The following MMUT variants were observed in gnomAD, a reference collection of about 807,000 sequenced individuals.
MMUT encodes the protein methylmalonyl-CoA mutase.
Under a neutral mutation model 79.9 loss-of-function variants are expected in MMUT, and 79 were observed. The ratio of observed to expected loss-of-function variants is 0.99; its 90% CI spans 0.82 to 1.19. The LOEUF is 1.19. Among genes scored for constraint, MMUT ranks in the 50% most tolerant of loss-of-function variants. The pLI is 0.00. For synonymous variants in MMUT, 273 were observed against 295.7 expected (o/e 0.92, Z 0.79); for missense variants, 860 against 917.2 (o/e 0.94, Z 0.81).
chr6:49,462,829 G>C (rs1352607424), intron 1 of MMUT, among the ~76,000 whole-genome samples: 3 of 152,180 alleles, frequency 2.0e-5, no homozygotes, highest in African/African-American at 4.8e-5. Flanking sequence ...GGCCAAAGAA[G>C]ATACCGACAT....
chr6:49,451,817 G>T, intron 5 of MMUT, 103 bp from the exon 6 acceptor site: 2 of 1,242,798 alleles, frequency 1.6e-6, no homozygotes, highest in Non-Finnish European at 2.3e-6. Context: ...TATTTTCTAT[G>T]TCAATTTCCA....
At chr6:49,441,067 C>T (rs1214854337) in intron 10 of MMUT, among the ~76,000 whole-genome samples, 1 of 151,944 alleles carries the variant, frequency 6.6e-6, no homozygotes, top group Non-Finnish European at 1.5e-5. Flanking sequence ...GAAAAAAGTT[C>T]CATTTTGATG....
intron 7 of MMUT, among the ~76,000 whole-genome samples, 182 bp from the exon 8 acceptor site, chr6:49,447,967 A>C (rs973853570): frequency 6.6e-6 from 1 of 152,030 alleles, no homozygotes; most frequent in African/African-American, 2.4e-5. Flanking sequence ...AAGTAGAGGT[A>C]TATGTCAGAG....
chr6:49,452,097 A>C (rs1028346779), intron 5 of MMUT, among the ~76,000 whole-genome samples: 2 of 152,178 alleles, frequency 1.3e-5, no homozygotes, highest in Non-Finnish European at 2.9e-5. Flanking sequence ...GATGTGTACA[A>C]AACAGGCACT....
chr6:49,441,988 T>G lies in MMUT; in HGVS notation c.1677-17A>C. 6.2e-7 allele frequency: 1 copy of G among 1,604,214 alleles called. No homozygotes were observed. Among genetic ancestry groups the G allele is most frequent in the African/African-American group, 1.3e-5 (1 of 74,756 alleles). On this transcript the variant is annotated splice_polypyrimidine_tract_variant and intron_variant, in intron 9 of 12. Transcript: ENST00000274813. The stretch of plus-strand genomic sequence containing the variant: ...ACTGTACATCTGAAACATGAAATGG[T>G]GGTTCCATTAACTTCATTATTTTGT...
rs189618510 is a variant in MMUT at position 49,437,695 on chromosome 6, T to G, written c.1957-2072A>C. Among the ~76,000 whole-genome samples the G allele has an allele frequency of 3.6e-3, 552 of 152,208 alleles. 1 individual carries two copies. The highest frequency in any genetic ancestry group is 6.0e-3 in the Admixed American group (91 of 15,270). Reference sequence around the variant, plus strand: ...TCCCTCCATTAAATTTTCTTCAAAATCCTAGCTGAGATTTGGTTTCTCTTG... The same window carrying G: ...TCCCTCCATTAAATTTTCTTCAAAAGCCTAGCTGAGATTTGGTTTCTCTTG... On this transcript the variant is annotated intron_variant, in intron 11 of 12. Coordinates refer to ENST00000274813, the MANE Select transcript of MMUT (RefSeq NM_000255.4).
chr6:49,451,360 T>C (rs548214058), intron 6 of MMUT, 106 bp downstream of exon 6: 33 of 1,288,836 alleles, frequency 2.6e-5, no homozygotes, highest in Middle Eastern at 4.2e-4. Flanking sequence ...AGTGATTTGA[T>C]TTATAAATTT....
intron 6 of MMUT, 140 bp downstream of exon 6, chr6:49,451,326 T>C (rs962234781): frequency 2.6e-5 from 26 of 1,019,254 alleles, no homozygotes; most frequent in Non-Finnish European, 3.5e-5. Context: ...GCAAACATCG[T>C]TTAAATTATT....
At chr6:49,449,001 G>T in intron 6 of MMUT, 74 bp from the exon 7 acceptor site, 1 of 868,926 alleles carries the variant, frequency 1.2e-6, no homozygotes, top group Non-Finnish European at 1.9e-6. Flanking sequence ...TTTGTTATGA[G>T]TGTTATATAA....
At position 49,459,071 on chromosome 6, in the gene MMUT, T is replaced by G. The variant is rs771331648; in HGVS notation, c.385+11A>C. ...TTATCATAAATATTATGTCTTACAT[T>G]AAAATCTCACCCTTAATGTTGTCCT... On this transcript the variant is annotated intron_variant, in intron 2 of 12. Transcript: ENST00000274813. 2 of 1,613,172 alleles carry G rather than the reference T, an allele frequency of 1.2e-6. No homozygotes were observed. The highest frequency in any genetic ancestry group is 2.7e-5 in the African/African-American group (2 of 74,900).
chr6:49,451,428 A>G, intron 6 of MMUT, 38 bp downstream of exon 6: 1 of 1,606,234 alleles, frequency 6.2e-7, no homozygotes, highest in South Asian at 1.1e-5. Context: ...ACAAATCTGT[A>G]AATTCTGAAA....
intron 5 of MMUT, among the ~76,000 whole-genome samples, chr6:49,452,769 T>C (rs1767585580): frequency 6.6e-6 from 1 of 152,208 alleles, no homozygotes; most frequent in Non-Finnish European, 1.5e-5. Flanking sequence ...TAATTTCATA[T>C]GTAAAGAGAA....
chr6:49,457,961 T>G lies in MMUT; in HGVS notation c.483A>C (p.Gly161=). The G allele has an allele frequency of 1.9e-6, 3 of 1,610,570 alleles. No homozygotes were observed. Among genetic ancestry groups the G allele is most frequent in the Non-Finnish European group, 2.5e-6 (3 of 1,179,938 alleles). Residue 161 remains glycine (G), a synonymous_variant, in exon 3 of 13, where the codon GGA becomes GGC. Coordinates refer to ENST00000274813, the MANE Select transcript of MMUT (RefSeq NM_000255.4). ...PRVRGDVGMA[G]VAIDTVEDTK... is the part of the protein sequence containing the mutation. ...TATCTTCCACAGTGTCAATAGCAAC[T>G]CCAGCCATTCCAACATCACCACGAA...
chr6:49,435,693 C>T, intron 11 of MMUT, 70 bp from the exon 12 acceptor site: 2 of 1,463,244 alleles, frequency 1.4e-6, no homozygotes, highest in Admixed American at 1.9e-5. Flanking sequence ...CCCTGGAAGA[C>T]AATCTAGGCA....
At chr6:49,462,495 C>G (rs1581838871) in intron 1 of MMUT, among the ~76,000 whole-genome samples, 3 of 152,286 alleles carry the variant, frequency 2.0e-5, no homozygotes, top group East Asian at 1.9e-4. Context: ...TGGTTTAAAA[C>G]TTTACACACA....
intron 3 of MMUT, among the ~76,000 whole-genome samples, chr6:49,457,306 T>C (rs1433084502): frequency 3.3e-5 from 5 of 152,180 alleles, no homozygotes; most frequent in Non-Finnish European, 7.4e-5. Context: ...CAGATATGAG[T>C]GATAAGTGAT....
At chr6:49,435,043 C>T (rs911372497) in intron 12 of MMUT, among the ~76,000 whole-genome samples, 3 of 152,158 alleles carry the variant, frequency 2.0e-5, no homozygotes, top group African/African-American at 4.8e-5. Flanking sequence ...ATTCCACCCC[C>T]CAGGACAAGG....
intron 2 of MMUT, 118 bp from the exon 3 acceptor site, chr6:49,458,176 A>G (rs1470511823): frequency 6.9e-6 from 7 of 1,020,062 alleles, no homozygotes; most frequent in Non-Finnish European, 8.5e-6. Flanking sequence ...TTTTATAACA[A>G]CTATTTTTAT....
chr6:49,458,016 T>C lies in MMUT; in HGVS notation c.428A>G (p.His143Arg). The stretch of plus-strand genomic sequence containing the variant: ...AGGGTTGTCTGAATCATAGCCACGA[T>C]GTGTCGCCAGATCAAAGGCAACTGA... The part of the protein sequence containing the change: ...GLSVAFDLAT[H>R]RGYDSDNPRV... Residue 143 changes from histidine to arginine, a missense_variant, in exon 3 of 13, where the codon CAT becomes CGT. Transcript: ENST00000274813. 1 of 1,603,346 alleles carries C rather than the reference T, an allele frequency of 6.2e-7. No homozygotes were observed. Among genetic ancestry groups the C allele is most frequent in the Non-Finnish European group, 8.5e-7 (1 of 1,179,850 alleles).
Sources: gnomAD v4.1 joint callset for allele counts (sites outside exome capture counted in the v4.1 genomes callset) on GRCh38, gnomAD v4.1.1 for gene constraint, MANE v1.5 for transcripts, NCBI Gene and HGNC (gene_info 2026-07-23, HGNC 2026-07-21) for gene names.